The following LRRC4C variants were observed in gnomAD, a reference collection of about 807,000 sequenced individuals.
LRRC4C encodes the protein leucine rich repeat containing 4C.
A neutral mutation model predicts 33.6 loss-of-function variants in LRRC4C; 5 were observed. The observed-to-expected ratio is 0.15, with a 90% CI of 0.08 to 0.31. The LOEUF is 0.31. LRRC4C is among the 10% of genes least tolerant of loss of function. The pLI, the probability that LRRC4C is intolerant of heterozygous loss-of-function variation, is 1.00. For missense variants in LRRC4C, 560 were observed against 796.7 expected (o/e 0.70, Z 3.58); for synonymous variants, 329 against 302.0 (o/e 1.09, Z -0.93).
At chr11:40,709,451 C>T (rs2136568554) in intron 2 of LRRC4C, among the ~76,000 whole-genome samples, 1 of 152,148 alleles carries the variant, frequency 6.6e-6, no homozygotes, top group East Asian at 1.9e-4. Context: ...TTTTATTTCT[C>T]CTTCACTTAT....
In LRRC4C at chr11:41,263,070, C is replaced by A. The variant is rs1429687917; in HGVS notation, c.-496+196361G>T. Among the ~76,000 whole-genome samples the A allele has an allele frequency of 3.3e-5, 5 of 152,064 alleles. No homozygotes were observed. In the South Asian group the frequency reaches 1.0e-3, roughly 31 times the overall value. On this transcript the variant is annotated intron_variant, in intron 1 of 6. Coordinates refer to ENST00000528697, the MANE Select transcript of LRRC4C (RefSeq NM_001258419.2). The stretch of plus-strand genomic sequence containing the variant: ...TGTTTTGGTCACACAGGAAATAACA[C>A]CTTACGAGGTCAATAGATTTTCATT...
rs575932130 is a variant in LRRC4C, at chr11:40,249,298, T to C, written c.-175-7700A>G. ...AGGTTGCAGTGAGCCGAGATCGCAC[T>C]ACTGCACTCCAGCCTGGCCAGAGAG... On this transcript the variant is annotated intron_variant, in intron 4 of 6. Coordinates refer to ENST00000528697, the MANE Select transcript of LRRC4C (RefSeq NM_001258419.2). Among the ~76,000 whole-genome samples the C allele has an allele frequency of 5.3e-5, 8 of 152,128 alleles. No individual in the cohort carries two copies. In the South Asian group the frequency reaches 1.7e-3, roughly 32 times the overall value.
At chr11:41,083,043 T>C (rs1010101981) in intron 1 of LRRC4C, among the ~76,000 whole-genome samples, 6 of 152,108 alleles carry the variant, frequency 3.9e-5, no homozygotes, top group Non-Finnish European at 5.9e-5. Context: ...AGAGAAGCCC[T>C]ACAAGCCTAC....
At chr11:40,687,050 C>G (rs1944996328) in intron 2 of LRRC4C, among the ~76,000 whole-genome samples, 1 of 152,118 alleles carries the variant, frequency 6.6e-6, no homozygotes, top group African/African-American at 2.4e-5. Context: ...AAATGGTGAG[C>G]TAGATTAATC....
intron 4 of LRRC4C, among the ~76,000 whole-genome samples, chr11:40,271,363 G>C (rs1942683492): frequency 6.6e-6 from 1 of 152,184 alleles, no homozygotes; most frequent in African/African-American, 2.4e-5. Context: ...TGTTGGAAGA[G>C]TTAAACGAAT....
At chr11:40,741,730 A>C (rs1948164766) in intron 2 of LRRC4C, among the ~76,000 whole-genome samples, 1 of 152,086 alleles carries the variant, frequency 6.6e-6, no homozygotes, top group African/African-American at 2.4e-5. Flanking sequence ...TTTTCAATGA[A>C]ATTTTGATAA....
At chr11:41,051,570 T>TTAC (rs1858229804) in intron 1 of LRRC4C, among the ~76,000 whole-genome samples, 1 of 131,216 alleles carries the variant, frequency 7.6e-6, no homozygotes, top group African/African-American at 2.9e-5. Flanking sequence ...ATTAGTTATA[T>TTAC]TCTAATGGCT....
At chr11:40,560,932 A>G (rs1013966722) in intron 3 of LRRC4C, among the ~76,000 whole-genome samples, 1 of 152,234 alleles carries the variant, frequency 6.6e-6, no homozygotes, top group Non-Finnish European at 1.5e-5. Context: ...AGTTAATTTA[A>G]GGACAAAAAG....
At chr11:40,457,536 T>C (rs1302936540) in intron 3 of LRRC4C, among the ~76,000 whole-genome samples, 1 of 152,144 alleles carries the variant, frequency 6.6e-6, no homozygotes, top group African/African-American at 2.4e-5. Flanking sequence ...CAGTTCCATT[T>C]TTCCAATCAA....
chr11:40,118,495 C>T (rs1432443188), intron 6 of LRRC4C, among the ~76,000 whole-genome samples: 1 of 152,024 alleles, frequency 6.6e-6, no homozygotes, highest in African/African-American at 2.4e-5. Context: ...TCCACATTGG[C>T]ACAAGAGCAC....
chr11:41,426,731 AG>A (rs1955056256), intron 1 of LRRC4C, among the ~76,000 whole-genome samples: 2 of 152,190 alleles, frequency 1.3e-5, no homozygotes, highest in Admixed American at 6.5e-5. Context: ...TCTCTTGGTC[AG>A]GACTTTCTTG....
At chr11:41,370,636 T>C (rs1791501022) in intron 1 of LRRC4C, among the ~76,000 whole-genome samples, 1 of 152,122 alleles carries the variant, frequency 6.6e-6, no homozygotes, top group Non-Finnish European at 1.5e-5. Context: ...TAAGTCCAAT[T>C]AAACTCCTTT....
chr11:40,152,732 C>G (rs2135133743), intron 5 of LRRC4C, among the ~76,000 whole-genome samples: 1 of 152,230 alleles, frequency 6.6e-6, no homozygotes, highest in Non-Finnish European at 1.5e-5. Context: ...CCTAGGTACA[C>G]AACTCCAGTG....
intron 5 of LRRC4C, among the ~76,000 whole-genome samples, chr11:40,194,374 A>G (rs1312232540): frequency 1.3e-5 from 2 of 152,222 alleles, no homozygotes; most frequent in African/African-American, 4.8e-5. Flanking sequence ...TGAAGGAGAA[A>G]TAAAATCTTT....
At chr11:41,095,207 G>A (rs977091295) in intron 1 of LRRC4C, among the ~76,000 whole-genome samples, 3 of 152,094 alleles carry the variant, frequency 2.0e-5, no homozygotes, top group African/African-American at 7.2e-5. Flanking sequence ...GAGAGAGAGA[G>A]CGCACAACGA....
intron 3 of LRRC4C, among the ~76,000 whole-genome samples, chr11:40,340,416 C>T (rs1268624945): frequency 2.6e-5 from 4 of 152,014 alleles, no homozygotes; most frequent in Non-Finnish European, 5.9e-5. Flanking sequence ...CTACTTTTAC[C>T]CACCTTGCTC....
rs376625739 is a variant in LRRC4C at position 40,114,691 on chromosome 11, C to T, written c.1602G>A (p.Val534=). ...TCACTGCAGCCATGAGTGTGATGGC[C>T]ACAAAACACCCAATGATGATTTTGG... ...KTTKIIIGCF[V]AITLMAAVML... is the part of the protein sequence containing the mutation. The change falls in exon 7 of 7, where the codon GTG becomes GTA. Residue 534 remains valine, a synonymous_variant. Coordinates refer to ENST00000528697, the MANE Select transcript of LRRC4C (RefSeq NM_001258419.2). 5 of 1,614,024 alleles carry T rather than the reference C, an allele frequency of 3.1e-6. No homozygotes were observed. In the African/African-American group the frequency reaches 6.7e-5, roughly 22 times the overall value.
At chr11:40,317,719 A>G (rs1302109341) in intron 4 of LRRC4C, among the ~76,000 whole-genome samples, 1 of 152,068 alleles carries the variant, frequency 6.6e-6, no homozygotes, top group Non-Finnish European at 1.5e-5. Context: ...TAGTTCACAT[A>G]TGGTTTTTGC....
chr11:40,532,626 A>G (rs1280968258), intron 3 of LRRC4C, among the ~76,000 whole-genome samples: 2 of 151,400 alleles, frequency 1.3e-5, no homozygotes, highest in Non-Finnish European at 2.9e-5. Flanking sequence ...GAAAAACAGT[A>G]GTAGTCTTTA....
Sources: gnomAD v4.1 joint callset for allele counts (sites outside exome capture counted in the v4.1 genomes callset) on GRCh38, gnomAD v4.1.1 for gene constraint, MANE v1.5 for transcripts, NCBI Gene and HGNC (gene_info 2026-07-23, HGNC 2026-07-21) for gene names.